SPAG1: variants seen among roughly 807,000 people sequenced by gnomAD.
SPAG1 encodes sperm-associated antigen 1.
SPAG1 carries 69 observed loss-of-function variants against 100.5 expected under a neutral mutation model. That is an observed-to-expected ratio of 0.69 (90% CI 0.57 to 0.84). The LOEUF is 0.84. Among genes scored for constraint, SPAG1 ranks in the 40% least tolerant of loss-of-function variants. SPAG1 has a pLI of 0.00. For synonymous variants in SPAG1, 336 were observed against 411.6 expected (o/e 0.82, Z 2.22); for missense variants, 955 against 1,133.1 (o/e 0.84, Z 2.26).
At chr8:100,212,339 CT>C (rs1375079464) in intron 10 of SPAG1, among the ~76,000 whole-genome samples, 1 of 152,170 alleles carries the variant, frequency 6.6e-6, no homozygotes, top group Non-Finnish European at 1.5e-5. Context: ...TATTTAAGTA[CT>C]TTTTAACGGT....
chr8:100,224,520 C>T (rs1353207658), intron 13 of SPAG1, among the ~76,000 whole-genome samples: 7 of 151,916 alleles, frequency 4.6e-5, no homozygotes, highest in African/African-American at 9.7e-5. Flanking sequence ...CCAGCCTGGG[C>T]GACAGAGTGA....
At chr8:100,196,429 G>C (rs1412788912) in intron 10 of SPAG1, among the ~76,000 whole-genome samples, 1 of 152,082 alleles carries the variant, frequency 6.6e-6, no homozygotes, top group African/African-American at 2.4e-5. Flanking sequence ...TAGGTGTATA[G>C]TGGTTTCTCA....
At chr8:100,235,294 C>T (rs1270258599) in intron 16 of SPAG1, among the ~76,000 whole-genome samples, 28 of 152,274 alleles carry the variant, frequency 1.8e-4, no homozygotes. Flanking sequence ...TCTTTAAAGG[C>T]CCTGTCTCCA....
rs1433711338 is a variant in SPAG1 at position 100,165,823 on chromosome 8, G to A, written c.150G>A (p.Glu50=). 2 of 1,611,378 alleles carry A rather than the reference G, an allele frequency of 1.2e-6. No homozygotes were observed. The highest frequency in any genetic ancestry group is 2.2e-5 in the East Asian group (1 of 44,878). The change falls in exon 3 of 19, where the codon GAG becomes GAA. Residue 50 remains glutamate (E), a synonymous_variant. Coordinates refer to ENST00000388798, the MANE Select transcript of SPAG1 (RefSeq NM_003114.5). ...TTTATTTCTTTTTAAGATCTGGTGA[G>A]GAAGGATATTATCCTGAACTTACAG... ...EKILCVLRSG[E]EGYYPELTEF...
At chr8:100,168,746 GAC>G in intron 3 of SPAG1, among the ~76,000 whole-genome samples, 1 of 136,724 alleles carries the variant, frequency 7.3e-6, no homozygotes, top group South Asian at 2.3e-4. Context: ...GGAGTGCAAT[GAC>G]ACAGTCTCAG....
Position 100,177,840 on chromosome 8 carries a change from G to A in SPAG1, c.325G>A (p.Glu109Lys). The change falls in exon 4 of 19, where the codon GAA (glutamate) becomes AAA (lysine). Residue 109 changes from glutamate (E) to lysine (K), a missense_variant. Physicochemically the swap from Glu to Lys is moderately conservative, Grantham distance 56. Transcript: ENST00000388798. ...IKSWVSEIKK[E>K]EDKMHFHETE... is the part of the protein sequence containing the mutation. ...GAGTTGGGTATCAGAAATTAAAAAA[G>A]AAGAAGATAAAATGCACTTTCATGA... The A allele has an allele frequency of 3.2e-6, 5 of 1,548,384 alleles. No homozygotes were observed. Among genetic ancestry groups the A allele is most frequent in the Non-Finnish European group, 4.5e-6 (5 of 1,121,230 alleles).
chr8:100,174,659 A>G (rs988766893), intron 3 of SPAG1, among the ~76,000 whole-genome samples: 1 of 152,218 alleles, frequency 6.6e-6, no homozygotes, highest in Non-Finnish European at 1.5e-5. Context: ...GTCTTGTGTA[A>G]TCGGAGCCCT....
In SPAG1 at chr8:100,239,279, C is replaced by A; in HGVS notation, c.2155C>A (p.Leu719Ile). Reference protein sequence around the residue: ...KSLIDLNKVILLDPSIIEAKM... With the variant: ...KSLIDLNKVIILDPSIIEAKM... ...CTTAATTGATCTCAATAAAGTTATC[C>A]TACTAGATCCAAGTATTATTGAGGC... is the stretch of plus-strand genomic sequence containing the variant. Residue 719 changes from leucine to isoleucine, a missense_variant, in exon 17 of 19, where the codon CTA becomes ATA. By Grantham distance (5) the Leu-to-Ile change is conservative. Transcript: ENST00000388798. The surrounding 1 kb of genome is among the most constrained non-coding windows in gnomAD (Gnocchi z 5.0). 2 of 1,528,864 alleles carry A rather than the reference C, an allele frequency of 1.3e-6. No homozygotes were observed. The highest frequency in any genetic ancestry group is 1.8e-6 in the Non-Finnish European group (2 of 1,139,190). The allele number at this position is 1,528,864 out of a possible 1,614,324, so 94.7% of individuals were successfully genotyped here.
At chr8:100,229,132 G>A (rs1009586657) in intron 14 of SPAG1, among the ~76,000 whole-genome samples, 2 of 152,224 alleles carry the variant, frequency 1.3e-5, no homozygotes, top group African/African-American at 4.8e-5. Context: ...AGTAGGCCGG[G>A]CGTGGTGGCT....
rs747346952 is a variant in SPAG1, at chr8:100,193,463, AAAC to A, written c.940-641_940-639del. On this transcript the variant is annotated intron_variant, in intron 9 of 18. Transcript: ENST00000388798. Reference sequence around the variant, plus strand: ...GCAGCAGAGGGAAACCCTGTCTCAGAAACAACAACACCAACAACAACAAAACAA... The same window carrying A: ...GCAGCAGAGGGAAACCCTGTCTCAGAAACAACACCAACAACAACAAAACAA... Among the ~76,000 whole-genome samples, 93 of 152,330 alleles carry A rather than the reference AAAC, an allele frequency of 6.1e-4. 2 individuals are homozygous for A. In the East Asian group the frequency reaches 0.011, roughly 18 times the overall value.
intron 7 of SPAG1, among the ~76,000 whole-genome samples, chr8:100,186,669 A>G (rs1479363950): frequency 6.6e-6 from 1 of 152,182 alleles, no homozygotes; most frequent in Non-Finnish European, 1.5e-5. Flanking sequence ...TTGCCGTAAC[A>G]AAGTACCACA....
intron 3 of SPAG1, among the ~76,000 whole-genome samples, chr8:100,175,164 T>C (rs1277921523): frequency 6.6e-6 from 1 of 152,030 alleles, no homozygotes; most frequent in Non-Finnish European, 1.5e-5. Flanking sequence ...AATGGCTTTT[T>C]CTATAATAAT....
Position 100,194,128 on chromosome 8 carries a change from T to G in SPAG1, c.956T>G (p.Val319Gly), listed in dbSNP as rs1816927901. Residue 319 changes from valine to glycine, a missense_variant, in exon 10 of 19, where the codon GTT becomes GGT. Physicochemically the swap from Val to Gly is moderately radical, Grantham distance 109. Coordinates refer to ENST00000388798, the MANE Select transcript of SPAG1 (RefSeq NM_003114.5). ...NDLAKKTLSE[V>G]ERDLKNSEAA... ...ATGTTGCAGAAAACCTTGTCAGAGG[T>G]TGAAAGAGATCTGAAAAATTCTGAA... The G allele has an allele frequency of 1.3e-6, 2 of 1,572,870 alleles. No individual in the cohort carries two copies. The highest frequency in any genetic ancestry group is 4.5e-5 in the East Asian group (2 of 44,500).
intron 4 of SPAG1, among the ~76,000 whole-genome samples, chr8:100,179,975 C>T (rs1386551372): frequency 1.3e-5 from 2 of 152,162 alleles, no homozygotes; most frequent in Admixed American, 1.3e-4. Flanking sequence ...AGGCCTGTCG[C>T]TTTAAGAAAA....
intron 3 of SPAG1, among the ~76,000 whole-genome samples, chr8:100,172,542 C>A (rs1486970927): frequency 2.0e-5 from 3 of 152,008 alleles, no homozygotes; most frequent in African/African-American, 7.3e-5. Context: ...ATCACTTGAA[C>A]CCAGGAGGTG....
chr8:100,235,492 G>A (rs1818962946), intron 16 of SPAG1, among the ~76,000 whole-genome samples: 1 of 152,168 alleles, frequency 6.6e-6, no homozygotes, highest in Non-Finnish European at 1.5e-5. Flanking sequence ...GGGTGGCTGA[G>A]GGTAGTGGTG....
intron 8 of SPAG1, among the ~76,000 whole-genome samples, chr8:100,190,211 A>G (rs2453660): frequency 0.63 from 95,490 of 151,224 alleles, 30,541 homozygotes; most frequent in African/African-American, 0.74. Flanking sequence ...TACTTGGGAG[A>G]CTGAGGCAGG....
chr8:100,199,508 T>C (rs1363284437), intron 10 of SPAG1, among the ~76,000 whole-genome samples: 2 of 152,190 alleles, frequency 1.3e-5, no homozygotes. Flanking sequence ...TGCAATGGCA[T>C]GATCTTGGCT....
intron 6 of SPAG1, among the ~76,000 whole-genome samples, chr8:100,184,378 G>A (rs185391071): frequency 6.6e-6 from 1 of 151,732 alleles, no homozygotes; most frequent in Admixed American, 6.6e-5. Context: ...AAAAAGATGG[G>A]GCAGTTTATT....
Sources: allele counts gnomAD v4.1 joint callset (sites outside exome capture counted in the v4.1 genomes callset), GRCh38; gene constraint gnomAD v4.1.1; non-coding constraint Gnocchi (gnomAD v3.1); transcripts MANE v1.5; gene names NCBI Gene and HGNC (gene_info 2026-07-23, HGNC 2026-07-21).